DZIP3: variants seen among roughly 807,000 people sequenced by gnomAD.
The protein encoded by DZIP3 is E3 ubiquitin-protein ligase DZIP3.
A neutral mutation model predicts 162.0 loss-of-function variants in DZIP3; 118 were observed. The ratio of observed to expected loss-of-function variants is 0.73; its 90% CI spans 0.63 to 0.85. The LOEUF (loss-of-function observed/expected upper bound fraction) is 0.85. Ranked by LOEUF, DZIP3 falls within the 40% of genes least tolerant of loss-of-function variation. DZIP3 has a pLI of 0.00. For missense variants in DZIP3, 1,331 were observed against 1,407.0 expected (o/e 0.95, Z 0.86); for synonymous variants, 438 against 458.6 (o/e 0.96, Z 0.57).
At chr3:108,687,931 TA>T in intron 28 of DZIP3, 44 bp from the exon 29 acceptor site, 1 of 1,611,864 alleles carries the variant, frequency 6.2e-7, no homozygotes, top group Non-Finnish European at 8.5e-7. Flanking sequence ...TCAAAGGTAC[TA>T]AGGAAAATCA....
chr3:108,620,068 C>T (rs1486793642), intron 5 of DZIP3, among the ~76,000 whole-genome samples: 1 of 152,094 alleles, frequency 6.6e-6, no homozygotes, highest in Non-Finnish European at 1.5e-5. Flanking sequence ...CATAGTAGAT[C>T]ATATGGGGAA....
Position 108,648,120 on chromosome 3 carries a change from C to T in DZIP3, c.1962+8C>T. 6.3e-7 allele frequency: 1 copy of T among 1,587,590 alleles called. No individual in the cohort carries two copies. Among genetic ancestry groups the T allele is most frequent in the Non-Finnish European group, 8.5e-7 (1 of 1,171,200 alleles). On this transcript the variant is annotated splice_region_variant and intron_variant, in intron 16 of 32. Transcript: ENST00000361582. ...CTTAAAGATCTCCAGGAAGTATAAGCTCTCATTAATATTTGAGTTAGAAGA... is the reference window on the plus strand; with the variant it reads ...CTTAAAGATCTCCAGGAAGTATAAGTTCTCATTAATATTTGAGTTAGAAGA...
At chr3:108,606,691 G>A (rs1190431007) in intron 2 of DZIP3, among the ~76,000 whole-genome samples, 1 of 152,140 alleles carries the variant, frequency 6.6e-6, no homozygotes, top group African/African-American at 2.4e-5. Flanking sequence ...AATTTTTGGG[G>A]TGTATTTTGA....
intron 24 of DZIP3, among the ~76,000 whole-genome samples, chr3:108,675,171 AG>A (rs145169097): frequency 0.019 from 2,886 of 152,100 alleles, 98 homozygotes; most frequent in African/African-American, 0.066. Context: ...TAGAGATAAT[AG>A]ACCCTAACAA....
chr3:108,597,031 C>A (rs972546490), intron 1 of DZIP3, among the ~76,000 whole-genome samples: 2 of 152,120 alleles, frequency 1.3e-5, no homozygotes, highest in African/African-American at 2.4e-5. Flanking sequence ...TGATTCTACC[C>A]CTTATGCAGA....
intron 21 of DZIP3, among the ~76,000 whole-genome samples, chr3:108,664,255 AAATTATAAC>A (rs778181596): frequency 2.0e-5 from 3 of 152,202 alleles, no homozygotes; most frequent in Non-Finnish European, 2.9e-5. Context: ...CAGTAAAAGG[AAATTATAAC>A]AATAGAAAGG....
Position 108,647,923 on chromosome 3 carries a change from A to G in DZIP3, c.1793-20A>G. 2 of 1,484,266 alleles carry G rather than the reference A, an allele frequency of 1.3e-6. No homozygotes were observed. Among genetic ancestry groups the G allele is most frequent in the South Asian group, 1.5e-5 (1 of 68,656 alleles). The allele number at this position is 1,484,266 out of a possible 1,614,324, so 91.9% of individuals were successfully genotyped here. A position where few individuals can be genotyped will look rare whatever the true frequency, so the allele number is the denominator to read the frequency against. On this transcript the variant is annotated intron_variant, in intron 15 of 32. Coordinates refer to ENST00000361582, the MANE Select transcript of DZIP3 (RefSeq NM_014648.4). ...AATTGCTTTCATCTAGATTTTGAGA[A>G]TTTTGTCTTTTATGTTTAGGTATTG...
At chr3:108,630,477 G>A (rs1400851235) in intron 8 of DZIP3, among the ~76,000 whole-genome samples, 1 of 151,944 alleles carries the variant, frequency 6.6e-6, no homozygotes, top group Non-Finnish European at 1.5e-5. Context: ...GAATTGAAAG[G>A]AGAAATATTT....
At chr3:108,670,101 T>A (rs890345460) in intron 22 of DZIP3, among the ~76,000 whole-genome samples, 3 of 151,942 alleles carry the variant, frequency 2.0e-5, no homozygotes, top group Admixed American at 6.6e-5. Flanking sequence ...TTATTCTTAT[T>A]CATCTGTTTT....
intron 3 of DZIP3, among the ~76,000 whole-genome samples, chr3:108,608,569 C>G (rs1481258532): frequency 6.6e-6 from 1 of 152,054 alleles, no homozygotes; most frequent in South Asian, 2.1e-4. Flanking sequence ...TGAAGTTAAA[C>G]TTATTCTTTA....
intron 2 of DZIP3, 81 bp downstream of exon 2, chr3:108,605,519 G>A (rs1490914024): frequency 3.0e-5 from 43 of 1,438,122 alleles, no homozygotes; most frequent in East Asian, 4.6e-5. Flanking sequence ...GTGGGGGTGC[G>A]GGGAATGGTT....
chr3:108,662,400 A>G, intron 21 of DZIP3, 143 bp downstream of exon 21: 1 of 1,073,848 alleles, frequency 9.3e-7, no homozygotes, highest in Non-Finnish European at 1.3e-6. Context: ...TTTAAAAACC[A>G]ACCATATTTT....
chr3:108,638,796 CAAA>C (rs1382962779), intron 12 of DZIP3, among the ~76,000 whole-genome samples: 1 of 152,152 alleles, frequency 6.6e-6, no homozygotes, highest in African/African-American at 2.4e-5. Context: ...ACTTTTCTAA[CAAA>C]AATTGGAATA....
intron 8 of DZIP3, among the ~76,000 whole-genome samples, chr3:108,631,053 A>ACTCTCTCTCTCTCTCTCTCTCT (rs1559741298): frequency 9.3e-5 from 3 of 32,280 alleles, no homozygotes; most frequent in African/African-American, 1.5e-4. Flanking sequence ...ACACACACAC[A>ACTCTCTCTCTCTCTCTCTCTCT]CACTCTCTCT....
chr3:108,589,531 A>C (rs1054356753), upstream of DZIP3: 94 of 473,698 alleles, frequency 2.0e-4, no homozygotes, highest in South Asian at 3.6e-4. Flanking sequence ...ACCCTAGGGG[A>C]CCGTTCTCGG....
intron 32 of DZIP3, among the ~76,000 whole-genome samples, chr3:108,691,571 C>A (rs1431381764): frequency 6.6e-6 from 1 of 152,126 alleles, no homozygotes; most frequent in African/African-American, 2.4e-5. Context: ...TCCAGGTATA[C>A]AGTGGGTACC....
Position 108,629,136 on chromosome 3 carries a change from T to C in DZIP3, c.656T>C (p.Ile219Thr), listed in dbSNP as rs1576382715. Residue 219 changes from isoleucine to threonine, a missense_variant, in exon 8 of 33, where the codon ATA becomes ACA. Transcript: ENST00000361582. ...IGDKNDHWFD[I>T]DPTEDEDLPT... ...GACAAAAATGACCATTGGTTTGACA[T>C]AGATCCTACAGAAGATGAAGATTTA... The C allele has an allele frequency of 6.2e-7, 1 of 1,600,472 alleles. No homozygotes were observed. The highest frequency in any genetic ancestry group is 8.5e-7 in the Non-Finnish European group (1 of 1,175,824).
At chr3:108,639,642 C>T (rs940123470) in intron 12 of DZIP3, among the ~76,000 whole-genome samples, 14 of 151,572 alleles carry the variant, frequency 9.2e-5, no homozygotes, top group African/African-American at 2.4e-4. Context: ...AGCGATGTCA[C>T]CTTTCTCATT....
At chr3:108,601,225 G>A (rs953640117) in intron 1 of DZIP3, among the ~76,000 whole-genome samples, 3 of 152,088 alleles carry the variant, frequency 2.0e-5, no homozygotes, top group East Asian at 1.9e-4. Context: ...TGGAGATATC[G>A]TTGATTGCCA....
Sources: gnomAD v4.1 joint callset for allele counts (sites outside exome capture counted in the v4.1 genomes callset) on GRCh38, gnomAD v4.1.1 for gene constraint, MANE v1.5 for transcripts, NCBI Gene and HGNC (gene_info 2026-07-23, HGNC 2026-07-21) for gene names.